MAD1L1: variants seen among roughly 807,000 people sequenced by gnomAD.
The protein encoded by MAD1L1 is mitotic arrest deficient 1 like 1.
A neutral mutation model predicts 96.9 loss-of-function variants in MAD1L1; 95 were observed. That is an observed-to-expected ratio of 0.98 (90% confidence interval 0.83 to 1.16). MAD1L1 has a LOEUF of 1.16. MAD1L1 is among the 50% of genes most tolerant of loss of function. MAD1L1 has a pLI of 0.00. For synonymous variants in MAD1L1, 473 were observed against 396.6 expected (o/e 1.19, Z -2.29); for missense variants, 1,007 against 954.4 (o/e 1.06, Z -0.73).
intron 18 of MAD1L1, among the ~76,000 whole-genome samples, chr7:1,862,805 T>A (rs768820938): frequency 6.6e-6 from 1 of 152,166 alleles, no homozygotes; most frequent in Non-Finnish European, 1.5e-5. Flanking sequence ...AGAGTGACGA[T>A]GAAAACAAAC....
At chr7:2,143,914 C>A (rs1041929930) in intron 11 of MAD1L1, among the ~76,000 whole-genome samples, 17 of 152,202 alleles carry the variant, frequency 1.1e-4, no homozygotes, top group African/African-American at 3.6e-4. Context: ...CCTCTGTGGA[C>A]TTCTCAGCCG....
At chr7:2,010,228 G>A (rs1015084926) in intron 13 of MAD1L1, among the ~76,000 whole-genome samples, 9 of 151,954 alleles carry the variant, frequency 5.9e-5, no homozygotes, top group Non-Finnish European at 1.2e-4. Context: ...CAGCCCTCCT[G>A]GAGCCAAACC....
At chr7:1,899,126 C>T (rs1787085498) in intron 17 of MAD1L1, among the ~76,000 whole-genome samples, 1 of 152,224 alleles carries the variant, frequency 6.6e-6, no homozygotes, top group South Asian at 2.1e-4. Context: ...ATTCAGGGTA[C>T]AGCCCCACAC....
At chr7:1,849,885 G>A (rs10260585) in intron 18 of MAD1L1, 44,221 of 152,070 alleles carry the variant, frequency 0.29, 7,221 homozygotes, top group East Asian at 0.45. Context: ...ACTGAGAGGC[G>A]GCCATAAAAA....
rs746172697 is a variant in MAD1L1, at chr7:2,213,198, C to G, written c.986+14G>C. The G allele has an allele frequency of 1.9e-6, 3 of 1,614,110 alleles. No homozygotes were observed. The highest frequency in any genetic ancestry group is 3.3e-5 in the Admixed American group (2 of 60,034). On this transcript the variant is annotated intron_variant, in intron 10 of 18. Coordinates refer to ENST00000265854, the MANE Select transcript of MAD1L1 (RefSeq NM_001013836.2). ...AAAGAAGGCGGGACCCCGGAGACAC[C>G]TGCCCTTCCCTACCTGATGCTCAGG...
intron 10 of MAD1L1, among the ~76,000 whole-genome samples, chr7:2,188,274 C>G (rs536334206): frequency 1.3e-5 from 2 of 152,348 alleles, no homozygotes; most frequent in African/African-American, 2.4e-5. Context: ...CCAAAGCCAT[C>G]TAGACGTTCA....
intron 18 of MAD1L1, among the ~76,000 whole-genome samples, chr7:1,857,978 G>A (rs1019453253): frequency 6.6e-6 from 1 of 152,206 alleles, no homozygotes; most frequent in African/African-American, 2.4e-5. Context: ...TGTGGCCCAC[G>A]CTGGCAACCG....
chr7:2,185,448 T>C (rs186671927), intron 10 of MAD1L1, among the ~76,000 whole-genome samples: 21 of 152,276 alleles, frequency 1.4e-4, no homozygotes, highest in Admixed American at 1.0e-3. Context: ...ACATTTTCAA[T>C]ACTCACTCAA....
At chr7:2,178,277 C>A (rs1320058949) in intron 10 of MAD1L1, among the ~76,000 whole-genome samples, 1 of 152,236 alleles carries the variant, frequency 6.6e-6, no homozygotes, top group African/African-American at 2.4e-5. Context: ...TTAATTTTCA[C>A]AGCAGTAGGT....
chr7:1,926,742 G>T (rs1470754519), intron 17 of MAD1L1, among the ~76,000 whole-genome samples: 1 of 152,198 alleles, frequency 6.6e-6, no homozygotes, highest in Non-Finnish European at 1.5e-5. Flanking sequence ...AGCTTGATAA[G>T]GAAAAACCAC....
chr7:2,011,882 G>T (rs963234789), intron 13 of MAD1L1, among the ~76,000 whole-genome samples: 1 of 152,174 alleles, frequency 6.6e-6, no homozygotes, highest in Non-Finnish European at 1.5e-5. Context: ...CCTGCTTCTG[G>T]AGGGTACCCA....
rs1380157126 is a variant in MAD1L1, at chr7:2,232,913, C to T, written c.-231G>A. 2 of 152,272 alleles carry T rather than the reference C, an allele frequency of 1.3e-5. No individual in the cohort carries two copies. The allele number at this position is 152,272 out of a possible 1,614,324, so 9.4% of individuals were successfully genotyped here. A position where few individuals can be genotyped will look rare whatever the true frequency, so the allele number is the denominator to read the frequency against. ...CAGCTTGCCGCCGCCGCTCGGATCT[C>T]CCTCCGCTCCGCCGGCGCCCATTTA... On this transcript the variant is annotated 5_prime_UTR_variant, in exon 1 of 19. Transcript: ENST00000265854.
At chr7:2,187,818 A>G (rs1791531681) in intron 10 of MAD1L1, among the ~76,000 whole-genome samples, 1 of 152,260 alleles carries the variant, frequency 6.6e-6, no homozygotes, top group African/African-American at 2.4e-5. Flanking sequence ...CTGACCAACA[A>G]TAGTTACTCA....
chr7:1,966,850 A>AGGAGAGGAATAC (rs1379763156), intron 15 of MAD1L1, among the ~76,000 whole-genome samples: 1 of 152,258 alleles, frequency 6.6e-6, no homozygotes, highest in Non-Finnish European at 1.5e-5. Flanking sequence ...TGCGCAGGGC[A>AGGAGAGGAATAC]GAGCTCCTTC....
intron 18 of MAD1L1, among the ~76,000 whole-genome samples, chr7:1,892,524 A>G (rs913648074): frequency 1.3e-5 from 2 of 152,182 alleles, no homozygotes; most frequent in Admixed American, 6.5e-5. Context: ...ATTCATCCCT[A>G]ATCTGAAAAT....
intron 5 of MAD1L1, among the ~76,000 whole-genome samples, chr7:2,222,003 C>T (rs1471372169): frequency 1.3e-5 from 2 of 151,990 alleles, no homozygotes; most frequent in African/African-American, 4.8e-5. Context: ...ACACACTAAA[C>T]GTCCACAAAC....
intron 17 of MAD1L1, among the ~76,000 whole-genome samples, chr7:1,929,803 CGT>C (rs1272575320): frequency 4.1e-4 from 35 of 85,310 alleles, no homozygotes; most frequent in East Asian, 1.8e-3. Flanking sequence ...CCCCTCGCCC[CGT>C]CCCCACTGCC....
At chr7:2,209,452 C>G (rs997928871) in intron 10 of MAD1L1, among the ~76,000 whole-genome samples, 10 of 152,218 alleles carry the variant, frequency 6.6e-5, no homozygotes, top group Admixed American at 6.5e-4. Context: ...CCCCAGGACA[C>G]TGGTCAGAAA....
chr7:2,066,541 C>A (rs982193479), intron 12 of MAD1L1, among the ~76,000 whole-genome samples: 2 of 152,226 alleles, frequency 1.3e-5, no homozygotes, highest in African/African-American at 4.8e-5. Flanking sequence ...CGGGGTGAGG[C>A]TGGCGCGGGC....
Sources: gnomAD v4.1 joint callset for allele counts (sites outside exome capture counted in the v4.1 genomes callset) on GRCh38, gnomAD v4.1.1 for gene constraint, MANE v1.5 for transcripts, NCBI Gene and HGNC (gene_info 2026-07-23, HGNC 2026-07-21) for gene names.